Variants in PTPRT observed in about 807,000 individuals in gnomAD.
PTPRT encodes receptor-type tyrosine-protein phosphatase T.
Under a neutral mutation model 176.8 loss-of-function variants are expected in PTPRT, and 56 were observed. That is an observed-to-expected ratio of 0.32 (90% CI 0.26 to 0.40). PTPRT has a LOEUF of 0.40. PTPRT is among the 10% of genes least tolerant of loss of function. The probability of loss-of-function intolerance (pLI) is 1.00; values close to 1 mark genes in which losing one functional copy is unlikely to be tolerated. For missense variants in PTPRT, 1,540 were observed against 1,908.2 expected (o/e 0.81, Z 3.60); for synonymous variants, 783 against 739.0 (o/e 1.06, Z -0.96).
intron 7 of PTPRT, among the ~76,000 whole-genome samples, chr20:42,531,646 A>G (rs2072386646): frequency 6.6e-6 from 1 of 152,204 alleles, no homozygotes; most frequent in Non-Finnish European, 1.5e-5. Context: ...CAGACTATGG[A>G]TAAATGCTGA....
intron 1 of PTPRT, among the ~76,000 whole-genome samples, chr20:43,082,310 C>A (rs539635922): frequency 7.1e-6 from 1 of 140,294 alleles, no homozygotes; most frequent in Non-Finnish European, 1.6e-5. Context: ...TTTTTATTTT[C>A]TGATCTCTCA....
chr20:42,382,878 C>T (rs1373861206), intron 9 of PTPRT, among the ~76,000 whole-genome samples: 2 of 152,156 alleles, frequency 1.3e-5, no homozygotes, highest in Non-Finnish European at 2.9e-5. Flanking sequence ...CAGCTGCCTA[C>T]TACTGATAGG....
At chr20:42,238,776 C>T (rs1318034785) in intron 14 of PTPRT, among the ~76,000 whole-genome samples, 1 of 152,120 alleles carries the variant, frequency 6.6e-6, no homozygotes, top group Non-Finnish European at 1.5e-5. Context: ...CATAGATGAC[C>T]GACAGCTCAA....
intron 1 of PTPRT, among the ~76,000 whole-genome samples, chr20:43,051,502 T>G (rs74724431): frequency 0.024 from 3,693 of 152,104 alleles, 163 homozygotes; most frequent in African/African-American, 0.084. Flanking sequence ...CATTCAGTTA[T>G]AAGAGTAAGA....
At chr20:42,824,903 T>A (rs2077966057) in intron 2 of PTPRT, among the ~76,000 whole-genome samples, 1 of 151,956 alleles carries the variant, frequency 6.6e-6, no homozygotes, top group Non-Finnish European at 1.5e-5. Context: ...TAAAAAAGCT[T>A]ATAATATACA....
intron 1 of PTPRT, among the ~76,000 whole-genome samples, chr20:43,072,177 T>C (rs1299349797): frequency 6.6e-6 from 1 of 152,202 alleles, no homozygotes; most frequent in Admixed American, 6.5e-5. Context: ...GCAAAATTAA[T>C]GCAATTAAGA....
chr20:42,813,349 T>C (rs1407404954), intron 2 of PTPRT, among the ~76,000 whole-genome samples: 1 of 152,054 alleles, frequency 6.6e-6, no homozygotes, highest in Non-Finnish European at 1.5e-5. Context: ...CCTTGTATAT[T>C]ACAGCCCCCT....
chr20:42,263,404 G>A (rs551159396), intron 13 of PTPRT, among the ~76,000 whole-genome samples: 94 of 117,104 alleles, frequency 8.0e-4, no homozygotes, highest in South Asian at 6.7e-3. Context: ...TTTTTGAGAC[G>A]GAGTCTTGCT....
chr20:42,885,786 CA>C lies in PTPRT; in HGVS notation c.214+20del. The C allele has an allele frequency of 6.3e-7, 1 of 1,595,142 alleles. No individual in the cohort carries two copies. The highest frequency in any genetic ancestry group is 1.3e-5 in the African/African-American group (1 of 74,390). ...AAACTAGCCATCCCCATTACAGCCC[CA>C]AACATGATGGATCACATACCTGTGG... On this transcript the variant is annotated intron_variant, in intron 2 of 30. Transcript: ENST00000373187.
Position 43,189,527 on chromosome 20 carries a change from TG to T in PTPRT, c.88+118del. ...CAAGCTGAGACCCGGGTTCCGGCCA[TG>T]GGGACCCGCGCCCCCGCGAGCCCAC... On this transcript the variant is annotated intron_variant, in intron 1 of 30. Transcript: ENST00000373187. The surrounding 1 kb of genome is among the most constrained non-coding windows in gnomAD (Gnocchi z 5.0). The T allele has an allele frequency of 1.7e-6, 1 of 580,566 alleles. No homozygotes were observed. The highest frequency in any genetic ancestry group is 2.4e-6 in the Non-Finnish European group (1 of 417,224). 36.0% of individuals were successfully genotyped at this position (580,566 alleles called of 1,614,324 possible).
chr20:42,520,236 T>A (rs1374744226), intron 7 of PTPRT, among the ~76,000 whole-genome samples: 2 of 152,090 alleles, frequency 1.3e-5, no homozygotes, highest in African/African-American at 4.8e-5. Context: ...AAATATAGTA[T>A]AACTATAGAA....
chr20:42,572,160 C>T (rs982529794), intron 7 of PTPRT, among the ~76,000 whole-genome samples: 1 of 152,090 alleles, frequency 6.6e-6, no homozygotes, highest in African/African-American at 2.4e-5. Context: ...CTCCCTCAAA[C>T]CTCTTTTACA....
intron 17 of PTPRT, among the ~76,000 whole-genome samples, chr20:42,155,617 C>T (rs1989317189): frequency 6.6e-6 from 1 of 152,168 alleles, no homozygotes; most frequent in Non-Finnish European, 1.5e-5. Flanking sequence ...TGATTCCAGG[C>T]ATTTTGACTC....
intron 15 of PTPRT, among the ~76,000 whole-genome samples, chr20:42,208,859 C>A (rs933399129): frequency 3.3e-5 from 5 of 152,112 alleles, no homozygotes; most frequent in African/African-American, 4.8e-5. Context: ...CAGCACCACA[C>A]CACACCTATT....
At chr20:42,374,625 G>T (rs1445261185) in intron 9 of PTPRT, among the ~76,000 whole-genome samples, 2 of 152,114 alleles carry the variant, frequency 1.3e-5, no homozygotes, top group Non-Finnish European at 2.9e-5. Flanking sequence ...AATGATAAAT[G>T]ACATGAACAG....
chr20:42,450,528 T>C lies in PTPRT; in HGVS notation c.1451-2199A>G, dbSNP rs1226130941. Among the ~76,000 whole-genome samples, 5 of 152,364 alleles carry C rather than the reference T, an allele frequency of 3.3e-5. No homozygotes were observed. In the East Asian group the frequency reaches 7.7e-4, roughly 23 times the overall value. On this transcript the variant is annotated intron_variant, in intron 8 of 30. Transcript: ENST00000373187. ...TATACCTTGTGCTCATTTTCCTGTA[T>C]GGCTCTTCATTTTTGCTCATCTTTG...
chr20:43,098,435 C>G (rs930773951), intron 1 of PTPRT, among the ~76,000 whole-genome samples: 1 of 151,990 alleles, frequency 6.6e-6, no homozygotes, highest in Non-Finnish European at 1.5e-5. Context: ...TAACAGAGTA[C>G]GTAGAATATT....
intron 12 of PTPRT, among the ~76,000 whole-genome samples, chr20:42,312,647 T>C (rs1447267214): frequency 6.6e-6 from 1 of 152,142 alleles, no homozygotes; most frequent in African/African-American, 2.4e-5. Flanking sequence ...TCCAATTCCA[T>C]TCCTGCCTGT....
chr20:42,862,291 A>T (rs1488697146), intron 2 of PTPRT, among the ~76,000 whole-genome samples: 1 of 151,802 alleles, frequency 6.6e-6, no homozygotes, highest in East Asian at 1.9e-4. Context: ...GATATCTGAG[A>T]CTCATCTCTA....
Sources: allele counts gnomAD v4.1 joint callset (sites outside exome capture counted in the v4.1 genomes callset), GRCh38; gene constraint gnomAD v4.1.1; non-coding constraint Gnocchi (gnomAD v3.1); transcripts MANE v1.5; gene names NCBI Gene and HGNC (gene_info 2026-07-23, HGNC 2026-07-21).